Variants in NKAIN2 observed in about 807,000 individuals in gnomAD.
NKAIN2 encodes sodium/potassium-transporting ATPase subunit beta-1-interacting protein 2.
Under a neutral mutation model 32.6 loss-of-function variants are expected in NKAIN2, and 14 were observed. That is an observed-to-expected ratio of 0.43 (90% CI 0.28 to 0.67). The LOEUF (loss-of-function observed/expected upper bound fraction) is 0.67. Among genes scored for constraint, NKAIN2 ranks in the 30% least tolerant of loss-of-function variants. NKAIN2 has a pLI of 0.17. For synonymous variants in NKAIN2, 80 were observed against 87.2 expected, an observed-to-expected ratio of 0.92 and a Z score of 0.46; for missense variants, 198 against 258.3, an observed-to-expected ratio of 0.77 and a Z score of 1.60.
At chr6:123,999,142 G>A (rs996765808) in intron 1 of NKAIN2, among the ~76,000 whole-genome samples, 1 of 152,150 alleles carries the variant, frequency 6.6e-6, no homozygotes, top group African/African-American at 2.4e-5. Flanking sequence ...TCAAATCCAT[G>A]AATTAATGCA....
intron 1 of NKAIN2, among the ~76,000 whole-genome samples, chr6:123,819,359 C>G (rs991595399): frequency 2.0e-5 from 3 of 152,190 alleles, no homozygotes; most frequent in African/African-American, 7.2e-5. Flanking sequence ...TGGAAATTAG[C>G]CAGGACACAC....
At chr6:123,967,759 G>C (rs1372430796) in intron 1 of NKAIN2, among the ~76,000 whole-genome samples, 1 of 152,092 alleles carries the variant, frequency 6.6e-6, no homozygotes, top group Non-Finnish European at 1.5e-5. Flanking sequence ...GAAAGTATTG[G>C]TTCTTACACT....
At chr6:124,638,974 G>T (rs901756438) in intron 3 of NKAIN2, among the ~76,000 whole-genome samples, 25 of 150,016 alleles carry the variant, frequency 1.7e-4, no homozygotes, top group African/African-American at 6.1e-4. Flanking sequence ...ATAAGCATAT[G>T]AAAAAATAAT....
intron 3 of NKAIN2, among the ~76,000 whole-genome samples, chr6:124,376,166 C>T (rs1401340271): frequency 6.6e-6 from 1 of 152,098 alleles, no homozygotes; most frequent in African/African-American, 2.4e-5. Context: ...ATGCACAACT[C>T]TAAAAACCCA....
intron 2 of NKAIN2, among the ~76,000 whole-genome samples, chr6:124,317,209 T>C (rs1229673259): frequency 1.3e-5 from 2 of 152,038 alleles, no homozygotes; most frequent in Non-Finnish European, 2.9e-5. Flanking sequence ...CTAGAGAAGG[T>C]GAACTCAAGT....
At chr6:124,394,798 G>A (rs1243276645) in intron 3 of NKAIN2, among the ~76,000 whole-genome samples, 1 of 152,110 alleles carries the variant, frequency 6.6e-6, no homozygotes, top group Non-Finnish European at 1.5e-5. Context: ...GAATTCAAAT[G>A]CTAATCTCAT....
chr6:124,472,502 T>C (rs1048136238), intron 3 of NKAIN2, among the ~76,000 whole-genome samples: 2 of 151,990 alleles, frequency 1.3e-5, no homozygotes, highest in African/African-American at 2.4e-5. Context: ...GGAGCACACA[T>C]AGAACAAGAG....
chr6:124,812,537 T>C (rs967744504), intron 5 of NKAIN2, among the ~76,000 whole-genome samples: 1 of 152,114 alleles, frequency 6.6e-6, no homozygotes, highest in Non-Finnish European at 1.5e-5. Flanking sequence ...CAGGTAGAAA[T>C]AGGTTGCAAT....
chr6:124,657,934 T>C lies in NKAIN2; in HGVS notation c.274-252T>C, dbSNP rs148680993. ...ATAAATCATTAGTAATATAAATCACTAGGAATTTCTCCAATAAAATAATTT... is the reference window on the plus strand; with the variant it reads ...ATAAATCATTAGTAATATAAATCACCAGGAATTTCTCCAATAAAATAATTT... On this transcript the variant is annotated intron_variant, in intron 3 of 6. Transcript: ENST00000368417. Among the ~76,000 whole-genome samples, 625 of 152,142 alleles carry C rather than the reference T, an allele frequency of 4.1e-3. 3 individuals are homozygous for C. Among genetic ancestry groups the C allele is most frequent in the African/African-American group, 0.014 (585 of 41,524 alleles).
chr6:124,307,256 A>T (rs1796545517), intron 2 of NKAIN2, among the ~76,000 whole-genome samples: 1 of 152,176 alleles, frequency 6.6e-6, no homozygotes, highest in African/African-American at 2.4e-5. Flanking sequence ...AGATATTTTA[A>T]CAATTCACTA....
intron 1 of NKAIN2, among the ~76,000 whole-genome samples, chr6:123,829,792 C>G (rs897139650): frequency 2.6e-5 from 4 of 152,150 alleles, no homozygotes; most frequent in South Asian, 2.1e-4. Context: ...TTCAACGTAA[C>G]GAAAAGTCAG....
chr6:124,506,073 CG>C (rs1562226701), intron 3 of NKAIN2, among the ~76,000 whole-genome samples: 2 of 151,792 alleles, frequency 1.3e-5, no homozygotes, highest in African/African-American at 2.4e-5. Flanking sequence ...CCCAGCTACT[CG>C]GGATGCTGAG....
chr6:124,602,546 G>A (rs1782348462), intron 3 of NKAIN2, among the ~76,000 whole-genome samples: 1 of 151,730 alleles, frequency 6.6e-6, no homozygotes, highest in Non-Finnish European at 1.5e-5. Flanking sequence ...ATTGTGGATG[G>A]GGGGACAAAA....
At chr6:123,836,988 T>C (rs748630027) in intron 1 of NKAIN2, among the ~76,000 whole-genome samples, 18 of 152,198 alleles carry the variant, frequency 1.2e-4, no homozygotes, top group Non-Finnish European at 2.4e-4. Context: ...TATTAGAATA[T>C]GCTCTGATGT....
chr6:124,214,250 C>T (rs1791343128), intron 1 of NKAIN2, among the ~76,000 whole-genome samples: 1 of 152,052 alleles, frequency 6.6e-6, no homozygotes, highest in Admixed American at 6.6e-5. Context: ...TTCTCTACCA[C>T]ATAGATGTAA....
intron 4 of NKAIN2, among the ~76,000 whole-genome samples, chr6:124,666,474 G>A (rs1363844258): frequency 6.6e-6 from 1 of 152,072 alleles, no homozygotes; most frequent in East Asian, 1.9e-4. Flanking sequence ...GTAAGTTGTT[G>A]TTACTTCTGA....
At chr6:123,881,254 T>A (rs1453231887) in intron 1 of NKAIN2, among the ~76,000 whole-genome samples, 2 of 152,142 alleles carry the variant, frequency 1.3e-5, no homozygotes, top group Non-Finnish European at 2.9e-5. Flanking sequence ...ACTCCTGACC[T>A]CAGGTGATCC....
At chr6:124,556,839 C>G (rs913819577) in intron 3 of NKAIN2, among the ~76,000 whole-genome samples, 1 of 152,142 alleles carries the variant, frequency 6.6e-6, no homozygotes, top group Admixed American at 6.6e-5. Context: ...AAGAATCCAA[C>G]TTTCAGACTA....
At chr6:123,811,905 C>T (rs1050524192) in intron 1 of NKAIN2, among the ~76,000 whole-genome samples, 1 of 150,276 alleles carries the variant, frequency 6.7e-6, no homozygotes, top group Non-Finnish European at 1.5e-5. Flanking sequence ...GCCTGATATA[C>T]GTACTTTAAG....
Sources: allele counts gnomAD v4.1 joint callset (sites outside exome capture counted in the v4.1 genomes callset), GRCh38; gene constraint gnomAD v4.1.1; transcripts MANE v1.5; gene names NCBI Gene and HGNC (gene_info 2026-07-23, HGNC 2026-07-21).